TCEANC2: variants seen among roughly 807,000 people sequenced by gnomAD.
TCEANC2 encodes transcription elongation factor A N-terminal and central domain-containing protein 2.
TCEANC2 carries 20 observed loss-of-function variants against 22.8 expected under a neutral mutation model. The ratio of observed to expected loss-of-function variants is 0.88; its 90% CI spans 0.62 to 1.28. TCEANC2 has a LOEUF of 1.28. TCEANC2 is among the 50% of genes most tolerant of loss of function. TCEANC2 has a pLI of 0.00. For synonymous variants in TCEANC2, 84 were observed against 95.5 expected (o/e 0.88, Z 0.70); for missense variants, 251 against 249.7 (o/e 1.01, Z -0.03).
At chr1:54,058,437 G>T (rs1159360207) in intron 2 of TCEANC2, among the ~76,000 whole-genome samples, 1 of 152,164 alleles carries the variant, frequency 6.6e-6, no homozygotes, top group Non-Finnish European at 1.5e-5. Context: ...CTTCTTGAAA[G>T]ACTATGTCTC....
At position 54,102,055 on chromosome 1, in the gene TCEANC2, C is replaced by T. The variant is rs1234360494; in HGVS notation, c.*5582C>T. 1 of 152,202 alleles carries T rather than the reference C, an allele frequency of 6.6e-6. No homozygotes were observed. The highest frequency in any genetic ancestry group is 1.5e-5 in the Non-Finnish European group (1 of 68,058). The allele number at this position is 152,202 out of a possible 1,614,324, so 9.4% of individuals were successfully genotyped here. ...AGACAATTATTGCATCTCACTCCAACCATTAAGAAGGAAGCACAATGCCTG... is the reference window on the plus strand; with the variant it reads ...AGACAATTATTGCATCTCACTCCAATCATTAAGAAGGAAGCACAATGCCTG... On this transcript the variant is annotated 3_prime_UTR_variant, in exon 5 of 5. Transcript: ENST00000234827.
intron 3 of TCEANC2, among the ~76,000 whole-genome samples, chr1:54,082,097 CA>C (rs1022285688): frequency 6.6e-6 from 1 of 152,202 alleles, no homozygotes; most frequent in African/African-American, 2.4e-5. Context: ...CTAGCTTCCA[CA>C]CTTATTAGCT....
downstream of TCEANC2, among the ~76,000 whole-genome samples, chr1:54,109,416 T>G (rs1370271565): frequency 6.6e-6 from 1 of 152,160 alleles, no homozygotes; most frequent in Admixed American, 6.5e-5. Context: ...AGTATGTGGG[T>G]GGCCTGAGTG....
intron 2 of TCEANC2, among the ~76,000 whole-genome samples, chr1:54,056,252 G>C (rs1171826314): frequency 6.6e-6 from 1 of 152,104 alleles, no homozygotes; most frequent in Non-Finnish European, 1.5e-5. Flanking sequence ...GGAAGGAATA[G>C]TTGAACTACA....
exon 5 of TCEANC2, chr1:54,111,483 G>A (rs777651255): frequency 2.6e-5 from 4 of 152,210 alleles, no homozygotes; most frequent in African/African-American, 7.2e-5. Flanking sequence ...GTCAACTGGA[G>A]TGGCCAGTCC....
Position 54,097,870 on chromosome 1 carries a change from G to C in TCEANC2, c.*1397G>C, listed in dbSNP as rs376464981. 6.6e-6 allele frequency: 1 copy of C among 151,998 alleles called. No homozygotes were observed. Among genetic ancestry groups the C allele is most frequent in the Non-Finnish European group, 1.5e-5 (1 of 68,026 alleles). 9.4% of individuals were successfully genotyped at this position (151,998 alleles called of 1,614,324 possible). A position where few individuals can be genotyped will look rare whatever the true frequency, so the allele number is the denominator to read the frequency against. ...TATTGGAGCTAGAATAATAATAATC[G>C]AGCGTTTACCCTGGGCCCAGCACTG... On this transcript the variant is annotated 3_prime_UTR_variant, in exon 5 of 5. Transcript: ENST00000234827.
chr1:54,081,906 G>T (rs1196908275), intron 3 of TCEANC2, among the ~76,000 whole-genome samples: 1 of 152,182 alleles, frequency 6.6e-6, no homozygotes, highest in African/African-American at 2.4e-5. Context: ...CTGTCCTTCG[G>T]CCACCTCTCA....
At chr1:54,069,015 G>T in intron 3 of TCEANC2, 118 bp downstream of exon 3, 2 of 1,123,266 alleles carry the variant, frequency 1.8e-6, no homozygotes. Flanking sequence ...TCAACTCTCT[G>T]GTAAAGGACT....
chr1:54,058,990 G>T (rs1286383499), intron 2 of TCEANC2, among the ~76,000 whole-genome samples: 1 of 151,944 alleles, frequency 6.6e-6, no homozygotes, highest in East Asian at 1.9e-4. Context: ...TCCCTTCCAT[G>T]CCTTCAGGGC....
intron 3 of TCEANC2, among the ~76,000 whole-genome samples, chr1:54,080,238 G>C (rs1034745767): frequency 1.3e-5 from 2 of 151,770 alleles, no homozygotes; most frequent in African/African-American, 4.8e-5. Flanking sequence ...CCGACTCCTG[G>C]GTTCAGGCGA....
Position 54,103,617 on chromosome 1 carries a change from A to G in TCEANC2, c.*7144A>G, listed in dbSNP as rs1013788068. 3 of 152,156 alleles carry G rather than the reference A, an allele frequency of 2.0e-5. No individual in the cohort carries two copies. The highest frequency in any genetic ancestry group is 1.3e-4 in the Admixed American group (2 of 15,276). The allele number at this position is 152,156 out of a possible 1,614,324, so 9.4% of individuals were successfully genotyped here. On this transcript the variant is annotated 3_prime_UTR_variant, in exon 5 of 5. Coordinates refer to ENST00000234827, the MANE Select transcript of TCEANC2 (RefSeq NM_153035.3). ...TATCAGATGGTATGGCATGGCTCCC[A>G]CTCACCAAGACTGATCTAGCTATTG...
At chr1:54,065,658 C>T (rs1657940729) in intron 2 of TCEANC2, among the ~76,000 whole-genome samples, 1 of 152,044 alleles carries the variant, frequency 6.6e-6, no homozygotes, top group South Asian at 2.1e-4. Flanking sequence ...ATCGAGGCTG[C>T]AGTGTGATCT....
intron 3 of TCEANC2, among the ~76,000 whole-genome samples, chr1:54,073,488 T>A (rs187199493): frequency 6.6e-6 from 1 of 152,270 alleles, no homozygotes; most frequent in Admixed American, 6.5e-5. Flanking sequence ...ATATCAGCCC[T>A]TAGGATAACC....
At position 54,099,438 on chromosome 1, in the gene TCEANC2, G is replaced by A. The variant is rs1658616800; in HGVS notation, c.*2965G>A. On this transcript the variant is annotated 3_prime_UTR_variant, in exon 5 of 5. Transcript: ENST00000234827. ...CACTGAGAAGTAACTCGGAGCTACAGTCTGTTAAAAATGAAAAGGTTGAGG... is the reference window on the plus strand; with the variant it reads ...CACTGAGAAGTAACTCGGAGCTACAATCTGTTAAAAATGAAAAGGTTGAGG... The A allele has an allele frequency of 6.6e-6, 1 of 152,342 alleles. No individual in the cohort carries two copies. The highest frequency in any genetic ancestry group is 2.4e-5 in the African/African-American group (1 of 41,566). 9.4% of individuals were successfully genotyped at this position (152,342 alleles called of 1,614,324 possible).
intron 3 of TCEANC2, among the ~76,000 whole-genome samples, chr1:54,082,836 TATTAAGCGTATGGTATGATCAA>T: frequency 6.6e-6 from 1 of 152,274 alleles, no homozygotes; most frequent in South Asian, 2.1e-4. Flanking sequence ...GGAGGATTTT[TATTAAGCGTATGGTATGATCAA>T]ATTGTGTTTG....
At chr1:54,061,762 A>T (rs1190214325) in intron 2 of TCEANC2, among the ~76,000 whole-genome samples, 2 of 152,094 alleles carry the variant, frequency 1.3e-5, no homozygotes, top group East Asian at 3.8e-4. Context: ...AAAAAAAAAA[A>T]AGTGGAAGTT....
At chr1:54,054,146 C>T in intron 1 of TCEANC2, 1 of 937,810 alleles carries the variant, frequency 1.1e-6, no homozygotes, top group Non-Finnish European at 1.5e-6. Flanking sequence ...CTCGCTAGAG[C>T]GTGCACTTCT....
intron 4 of TCEANC2, among the ~76,000 whole-genome samples, chr1:54,089,112 T>C (rs1207920932): frequency 6.6e-6 from 1 of 152,216 alleles, no homozygotes; most frequent in African/African-American, 2.4e-5. Flanking sequence ...TGAGACTTGA[T>C]TTCTTAATCT....
chr1:54,082,002 A>G (rs946218618), intron 3 of TCEANC2, among the ~76,000 whole-genome samples: 2 of 152,220 alleles, frequency 1.3e-5, no homozygotes, highest in Non-Finnish European at 2.9e-5. Context: ...CCTGTGTGCC[A>G]GTCCCTAATA....
Sources: gnomAD v4.1 joint callset for allele counts (sites outside exome capture counted in the v4.1 genomes callset) on GRCh38, gnomAD v4.1.1 for gene constraint, MANE v1.5 for transcripts, NCBI Gene and HGNC (gene_info 2026-07-23, HGNC 2026-07-21) for gene names.